Variants in ENO2 observed in about 807,000 individuals in gnomAD.
The protein encoded by ENO2 is enolase 2.
A neutral mutation model predicts 48.7 loss-of-function variants in ENO2; 19 were observed. The observed-to-expected ratio is 0.39, with a 90% CI of 0.27 to 0.57. The LOEUF (loss-of-function observed/expected upper bound fraction) is 0.57, where lower values mean the gene tolerates loss of function less well. Among genes scored for constraint, ENO2 ranks in the 20% least tolerant of loss-of-function variants. The pLI is 0.58. For synonymous variants in ENO2, 198 were observed against 213.4 expected (o/e 0.93, Z 0.63); for missense variants, 416 against 555.0 (o/e 0.75, Z 2.52).
At position 6,922,352 on chromosome 12, in the gene ENO2, T is replaced by C; in HGVS notation, c.1185T>C (p.Thr395=). ...VVGLCTGQIK[T]GAPCRSERLA... is the part of the protein sequence containing the mutation. ...CCTTTGAAATGTTTCAGATCAAGAC[T>C]GGTGCCCCGTGCCGTTCTGAACGTC... Residue 395 remains threonine (T), a synonymous_variant, in exon 11 of 12, where the codon ACT becomes ACC. Coordinates refer to ENST00000229277, the MANE Select transcript of ENO2 (RefSeq NM_001975.3). This position sits in a 1 kb window ranked among gnomAD's most constrained non-coding sequence, Gnocchi z 5.3. The C allele has an allele frequency of 6.2e-7, 1 of 1,614,204 alleles. No individual in the cohort carries two copies. The highest frequency in any genetic ancestry group is 1.1e-5 in the South Asian group (1 of 91,084).
Position 6,922,656 on chromosome 12 carries a change from C to G in ENO2, c.1236-75C>G. On this transcript the variant is annotated intron_variant, in intron 11 of 11. Transcript: ENST00000229277. The surrounding 1 kb of genome is among the most constrained non-coding windows in gnomAD (Gnocchi z 5.3). ...CAGGTGGTGTGGGGGTGGTTGGAGT[C>G]TGGGGGACCCCTAGAGAGAGAAGCA... The G allele has an allele frequency of 4.4e-6, 7 of 1,573,788 alleles. No individual in the cohort carries two copies. Among genetic ancestry groups the G allele is most frequent in the Non-Finnish European group, 6.1e-6 (7 of 1,145,466 alleles).
Position 6,916,593 on chromosome 12 carries a change from A to G in ENO2, c.182-78A>G. ...TCACACCAGTCCCCAGTCCTCCTCT[A>G]GCATGGCTTCCCCTCCTCCCATTGA... is the stretch of plus-strand genomic sequence containing the variant. On this transcript the variant is annotated intron_variant, in intron 3 of 11. Coordinates refer to ENST00000229277, the MANE Select transcript of ENO2 (RefSeq NM_001975.3). The surrounding 1 kb of genome is among the most constrained non-coding windows in gnomAD (Gnocchi z 4.5). 1 of 1,611,086 alleles carries G rather than the reference A, an allele frequency of 6.2e-7. No individual in the cohort carries two copies. The highest frequency in any genetic ancestry group is 1.3e-5 in the African/African-American group (1 of 74,930).
Position 6,917,957 on chromosome 12 carries a change from T to C in ENO2, c.462T>C (p.Asn154=), listed in dbSNP as rs1329562551. 1.9e-6 allele frequency: 3 copies of C among 1,614,028 alleles called. No individual in the cohort carries two copies. Among genetic ancestry groups the C allele is most frequent in the South Asian group, 1.1e-5 (1 of 91,080 alleles). ...CTCCCCAGGCCTTCAACGTGATCAA[T>C]GGTGGCTCTCATGCTGGCAACAAGC... ...ILPVPAFNVI[N]GGSHAGNKLA... The change falls in exon 7 of 12, where the codon AAT becomes AAC. Residue 154 remains asparagine (N), a synonymous_variant. Coordinates refer to ENST00000229277, the MANE Select transcript of ENO2 (RefSeq NM_001975.3).
intron 1 of ENO2, 34 bp from the exon 2 acceptor site, chr12:6,915,785 CTT>C (rs1945285072): frequency 1.3e-6 from 2 of 1,519,836 alleles, no homozygotes; most frequent in African/African-American, 2.8e-5. Context: ...CTCTAAGCCT[CTT>C]ATCTTTCTCC....
At position 6,922,592 on chromosome 12, in the gene ENO2, A is replaced by C; in HGVS notation, c.1236-139A>C. 7.7e-7 allele frequency: 1 copy of C among 1,291,810 alleles called. No individual in the cohort carries two copies. Among genetic ancestry groups the C allele is most frequent in the Non-Finnish European group, 1.1e-6 (1 of 901,350 alleles). The allele number at this position is 1,291,810 out of a possible 1,614,324, so 80.0% of individuals were successfully genotyped here. A position where few individuals can be genotyped will look rare whatever the true frequency, so the allele number is the denominator to read the frequency against. Reference sequence around the variant, plus strand: ...GACAAATCCCAGAGATCACATGGGAAAGCCAGGGAATGCTAAGCCTTGGGG... The same window carrying C: ...GACAAATCCCAGAGATCACATGGGACAGCCAGGGAATGCTAAGCCTTGGGG... On this transcript the variant is annotated intron_variant, in intron 11 of 11. Coordinates refer to ENST00000229277, the MANE Select transcript of ENO2 (RefSeq NM_001975.3). The surrounding 1 kb of genome is among the most constrained non-coding windows in gnomAD (Gnocchi z 5.3).
chr12:6,922,877 A>AC lies in ENO2; in HGVS notation c.*82dup. ...TTGCTGTCCTGATCTGTGATAGTTC[A>AC]CCCCCTGAGATCCCCTGAGCCCCAG... On this transcript the variant is annotated 3_prime_UTR_variant, in exon 12 of 12. Transcript: ENST00000229277. This position sits in a 1 kb window ranked among gnomAD's most constrained non-coding sequence, Gnocchi z 5.3. 2.0e-6 allele frequency: 3 copies of AC among 1,536,266 alleles called. No homozygotes were observed. Among genetic ancestry groups the AC allele is most frequent in the East Asian group, 2.3e-5 (1 of 44,304 alleles).
rs1555142283 is a variant in ENO2 at position 6,922,962 on chromosome 12, G to A, written c.*162G>A. The A allele has an allele frequency of 3.0e-6, 2 of 667,094 alleles. No individual in the cohort carries two copies. The highest frequency in any genetic ancestry group is 4.9e-5 in the Admixed American group (2 of 40,456). The allele number at this position is 667,094 out of a possible 1,614,324, so 41.3% of individuals were successfully genotyped here. On this transcript the variant is annotated 3_prime_UTR_variant, in exon 12 of 12. Transcript: ENST00000229277. The surrounding 1 kb of genome is among the most constrained non-coding windows in gnomAD (Gnocchi z 5.3). Reference sequence around the variant, plus strand: ...TGCTCCTTGGCTTACCTGACCTCTTGCTGTCTCTGCTCGCCCTCCTTTCTG... The same window carrying A: ...TGCTCCTTGGCTTACCTGACCTCTTACTGTCTCTGCTCGCCCTCCTTTCTG...
Position 6,922,547 on chromosome 12 carries a change from G to A in ENO2, c.1235+145G>A. 7.6e-7 allele frequency: 1 copy of A among 1,313,854 alleles called. No homozygotes were observed. The highest frequency in any genetic ancestry group is 1.1e-6 in the Non-Finnish European group (1 of 919,990). 81.4% of individuals were successfully genotyped at this position (1,313,854 alleles called of 1,614,324 possible). ...AGATAATATTGGTTTTTGCTTCCTG[G>A]GTTTATTGATGGCCTGATTGACAAA... On this transcript the variant is annotated intron_variant, in intron 11 of 11. Coordinates refer to ENST00000229277, the MANE Select transcript of ENO2 (RefSeq NM_001975.3). This position sits in a 1 kb window ranked among gnomAD's most constrained non-coding sequence, Gnocchi z 5.3.
intron 8 of ENO2, 144 bp from the exon 9 acceptor site, chr12:6,921,437 G>A (rs782387513): frequency 2.6e-6 from 2 of 777,190 alleles, no homozygotes; most frequent in Non-Finnish European, 4.3e-6. Context: ...GCTTACACTG[G>A]GGGGATTTGT....
In ENO2 at chr12:6,918,060, T is replaced by C; in HGVS notation, c.565T>C (p.Tyr189His). ...TGCCATGCGACTAGGTGCAGAGGTC[T>C]ACCATACACTCAAGGGAGTCATCAA... Reference protein sequence around the residue: ...RDAMRLGAEVYHTLKGVIKDK... With the variant: ...RDAMRLGAEVHHTLKGVIKDK... The change falls in exon 7 of 12, where the codon TAC becomes CAC. Residue 189 changes from tyrosine (Y) to histidine (H), a missense_variant. Tyr to His is a moderately conservative substitution (Grantham distance 83). Transcript: ENST00000229277. 10 of 1,614,142 alleles carry C rather than the reference T, an allele frequency of 6.2e-6. No homozygotes were observed. Among genetic ancestry groups the C allele is most frequent in the Non-Finnish European group, 7.6e-6 (9 of 1,180,016 alleles).
Position 6,921,703 on chromosome 12 carries a change from C to G in ENO2, c.988C>G (p.Arg330Gly). 1 of 1,614,120 alleles carries G rather than the reference C, an allele frequency of 6.2e-7. No homozygotes were observed. Among genetic ancestry groups the G allele is most frequent in the Non-Finnish European group, 8.5e-7 (1 of 1,180,042 alleles). Residue 330 changes from arginine (R) to glycine (G), a missense_variant, in exon 9 of 12, where the codon CGG (arginine) becomes GGG (glycine). Coordinates refer to ENST00000229277, the MANE Select transcript of ENO2 (RefSeq NM_001975.3). ...AGTGACCAACCCAAAACGTATTGAG[C>G]GGGCAGTGGAAGAAAAGGCCTGCAA... ...LTVTNPKRIE[R>G]AVEEKACNCL...
At chr12:6,915,792 T>C (rs1945285199) in intron 1 of ENO2, 29 bp from the exon 2 acceptor site, 3 of 1,559,384 alleles carry the variant, frequency 1.9e-6, no homozygotes, top group Non-Finnish European at 2.6e-6. Context: ...CCTCTTATCT[T>C]TCTCCTTCCT....
Position 6,916,004 on chromosome 12 carries a change from A to AT in ENO2, c.85+88dup. The AT allele has an allele frequency of 7.2e-7, 1 of 1,397,118 alleles. No individual in the cohort carries two copies. 86.5% of individuals were successfully genotyped at this position (1,397,118 alleles called of 1,614,324 possible). A position where few individuals can be genotyped will look rare whatever the true frequency, so the allele number is the denominator to read the frequency against. ...GCCAGGGGTTCGGAGGCCTTTTTTG[A>AT]TACCCAGGGGTATGGGGTGCTGGGC... On this transcript the variant is annotated intron_variant, in intron 2 of 11. Transcript: ENST00000229277. The surrounding 1 kb of genome is among the most constrained non-coding windows in gnomAD (Gnocchi z 4.5).
In ENO2 at chr12:6,922,026, C is replaced by A; in HGVS notation, c.1068-30C>A. 6.2e-7 allele frequency: 1 copy of A among 1,612,426 alleles called. No homozygotes were observed. Among genetic ancestry groups the A allele is most frequent in the Non-Finnish European group, 8.5e-7 (1 of 1,178,490 alleles). On this transcript the variant is annotated intron_variant, in intron 9 of 11. Transcript: ENST00000229277. The surrounding 1 kb of genome is among the most constrained non-coding windows in gnomAD (Gnocchi z 5.3). ...GGGAAGAGAGTGCCCAGTGTGAGAG[C>A]TGGAGAATCAGTGCTGTGTGTGGAT...
rs377088190 is a variant in ENO2, at chr12:6,916,711, G to A, written c.222G>A (p.Ala74=). Residue 74 remains alanine, a synonymous_variant, in exon 4 of 12, where the codon GCG becomes GCA. Transcript: ENST00000229277. The surrounding 1 kb of genome is among the most constrained non-coding windows in gnomAD (Gnocchi z 4.5). ...TGGACCACATCAACTCCACCATCGCGCCAGCCCTCATCAGCTCAGTGAGGC... is the reference window on the plus strand; with the variant it reads ...TGGACCACATCAACTCCACCATCGCACCAGCCCTCATCAGCTCAGTGAGGC... ...KAVDHINSTI[A]PALISSGLSV... 2.2e-5 allele frequency: 35 copies of A among 1,613,986 alleles called. No individual in the cohort carries two copies. The highest frequency in any genetic ancestry group is 5.3e-5 in the African/African-American group (4 of 74,912).
In ENO2 at chr12:6,914,627, G is replaced by A. The variant is rs1264045276; in HGVS notation, c.-45G>A. Reference sequence around the variant, plus strand: ...CGCCGTCGCCACCGCCACCGCCACCGCCACTACCACCGTCTGAGTCTGCAG... The same window carrying A: ...CGCCGTCGCCACCGCCACCGCCACCACCACTACCACCGTCTGAGTCTGCAG... On this transcript the variant is annotated 5_prime_UTR_variant, in exon 1 of 12. Coordinates refer to ENST00000229277, the MANE Select transcript of ENO2 (RefSeq NM_001975.3). This position sits in a 1 kb window ranked among gnomAD's most constrained non-coding sequence, Gnocchi z 7.1. 3.5e-5 allele frequency: 6 copies of A among 169,792 alleles called. No homozygotes were observed. Among genetic ancestry groups the A allele is most frequent in the South Asian group, 1.2e-4 (1 of 8,118 alleles). The allele number at this position is 169,792 out of a possible 1,614,324, so 10.5% of individuals were successfully genotyped here.
In ENO2 at chr12:6,914,629, C is replaced by A; in HGVS notation, c.-43C>A. ...CCGTCGCCACCGCCACCGCCACCGC[C>A]ACTACCACCGTCTGAGTCTGCAGTC... On this transcript the variant is annotated 5_prime_UTR_variant, in exon 1 of 12. Coordinates refer to ENST00000229277, the MANE Select transcript of ENO2 (RefSeq NM_001975.3). This position sits in a 1 kb window ranked among gnomAD's most constrained non-coding sequence, Gnocchi z 7.1. 5.9e-6 allele frequency: 1 copy of A among 169,786 alleles called. No homozygotes were observed. The highest frequency in any genetic ancestry group is 1.8e-4 in the East Asian group (1 of 5,470). 10.5% of individuals were successfully genotyped at this position (169,786 alleles called of 1,614,324 possible).
Position 6,915,994 on chromosome 12 carries a change from GC to G in ENO2, c.85+79del. 2.6e-6 allele frequency: 4 copies of G among 1,513,532 alleles called. No individual in the cohort carries two copies. The South Asian group carries it at 4.5e-5, about 17-fold the overall frequency. The allele number at this position is 1,513,532 out of a possible 1,614,324, so 93.8% of individuals were successfully genotyped here. Reference sequence around the variant, plus strand: ...GCTGGGTTCGGCCAGGGGTTCGGAGGCCTTTTTTGATACCCAGGGGTATGGG... The same window carrying G: ...GCTGGGTTCGGCCAGGGGTTCGGAGGCTTTTTTGATACCCAGGGGTATGGG... On this transcript the variant is annotated intron_variant, in intron 2 of 11. Coordinates refer to ENST00000229277, the MANE Select transcript of ENO2 (RefSeq NM_001975.3).
intron 9 of ENO2, 133 bp from the exon 10 acceptor site, chr12:6,921,923 C>A: frequency 6.7e-7 from 1 of 1,485,040 alleles, no homozygotes; most frequent in Non-Finnish European, 9.3e-7. Flanking sequence ...CACCTCTGCC[C>A]CTCCACCCCT....
Sources: allele counts gnomAD v4.1 joint callset, GRCh38; gene constraint gnomAD v4.1.1; non-coding constraint Gnocchi (gnomAD v3.1); transcripts MANE v1.5; gene names NCBI Gene and HGNC (gene_info 2026-07-23, HGNC 2026-07-21).